The following MKLN1 variants were observed in gnomAD, a reference collection of about 807,000 sequenced individuals.
The protein encoded by MKLN1 is muskelin.
Under a neutral mutation model 99.0 loss-of-function variants are expected in MKLN1, and 18 were observed. That is an observed-to-expected ratio of 0.18 (90% CI 0.13 to 0.27). The LOEUF (loss-of-function observed/expected upper bound fraction) is 0.27, where lower values mean the gene tolerates loss of function less well. MKLN1 is among the 10% of genes least tolerant of loss of function. The pLI, the probability that MKLN1 is intolerant of heterozygous loss-of-function variation, is 1.00. For synonymous variants in MKLN1, 288 were observed against 293.2 expected, an observed-to-expected ratio of 0.98 and a Z score of 0.18; for missense variants, 621 against 875.9, an observed-to-expected ratio of 0.71 and a Z score of 3.67.
chr7:131,318,548 G>C (rs1174703222), intron 3 of MKLN1, among the ~76,000 whole-genome samples: 1 of 152,134 alleles, frequency 6.6e-6, no homozygotes, highest in African/African-American at 2.4e-5. Context: ...AAAAGAACTA[G>C]AGAAGCAAGA....
chr7:131,394,566 G>A (rs958881051), intron 4 of MKLN1, among the ~76,000 whole-genome samples: 4 of 152,006 alleles, frequency 2.6e-5, no homozygotes, highest in Admixed American at 1.3e-4. Context: ...AACACACTGC[G>A]CACCTCCTGC....
chr7:131,470,490 A>G (rs1796787750), intron 15 of MKLN1, among the ~76,000 whole-genome samples: 1 of 152,202 alleles, frequency 6.6e-6, no homozygotes, highest in Non-Finnish European at 1.5e-5. Flanking sequence ...GATGAAACAC[A>G]TTGGGATTTT....
intron 2 of MKLN1, among the ~76,000 whole-genome samples, chr7:131,155,982 G>T (rs1479317107): frequency 6.6e-6 from 1 of 152,084 alleles, no homozygotes; most frequent in Admixed American, 6.6e-5. Flanking sequence ...ATAGAGAATG[G>T]ATCAACAACT....
chr7:131,430,532 T>G (rs978442680), intron 9 of MKLN1, among the ~76,000 whole-genome samples: 2 of 152,160 alleles, frequency 1.3e-5, no homozygotes, highest in Admixed American at 1.3e-4. Context: ...ATTATTCTTG[T>G]GTTAAGCCTA....
intron 2 of MKLN1, among the ~76,000 whole-genome samples, chr7:131,182,391 A>G (rs1278874776): frequency 6.6e-6 from 1 of 152,192 alleles, no homozygotes; most frequent in African/African-American, 2.4e-5. Flanking sequence ...TTTTACTTTC[A>G]CGTTATTTGG....
chr7:131,261,873 A>G (rs1203435926), intron 3 of MKLN1, among the ~76,000 whole-genome samples: 3 of 152,216 alleles, frequency 2.0e-5, no homozygotes, highest in African/African-American at 4.8e-5. Flanking sequence ...AGGCCATAGT[A>G]CTAAGCGAAC....
intron 3 of MKLN1, among the ~76,000 whole-genome samples, chr7:131,388,513 A>T (rs538404195): frequency 6.6e-6 from 1 of 152,324 alleles, no homozygotes; most frequent in East Asian, 1.9e-4. Context: ...TGTGGTTTTA[A>T]ATTGTCAGAT....
At position 131,146,293 on chromosome 7, in the gene MKLN1, G is replaced by C. The variant is rs530695614; in HGVS notation, c.-297+3352G>C. Among the ~76,000 whole-genome samples the C allele has an allele frequency of 9.2e-5, 14 of 152,300 alleles. No individual in the cohort carries two copies. The East Asian group carries it at 2.7e-3, about 29-fold the overall frequency. On this transcript the variant is annotated intron_variant, in intron 2 of 7. Transcript: ENST00000416992. ...GGAGTTCAAGACTGCAGTGAGCTAT[G>C]ATCATGCCACTGCACTCCAGCTTGG...
At chr7:131,273,494 C>T (rs1041569986) in intron 3 of MKLN1, among the ~76,000 whole-genome samples, 1 of 152,104 alleles carries the variant, frequency 6.6e-6, no homozygotes, top group Non-Finnish European at 1.5e-5. Context: ...CTGCCAGGTC[C>T]CTTGGCATTT....
At chr7:131,282,562 A>T (rs2116580846) in intron 3 of MKLN1, among the ~76,000 whole-genome samples, 1 of 152,278 alleles carries the variant, frequency 6.6e-6, no homozygotes, top group East Asian at 1.9e-4. Context: ...TGGAGGCTAT[A>T]GAGGTCTAGG....
intron 2 of MKLN1, among the ~76,000 whole-genome samples, chr7:131,191,195 C>T (rs1394173491): frequency 6.6e-6 from 1 of 152,232 alleles, no homozygotes; most frequent in Non-Finnish European, 1.5e-5. Context: ...AAAAGTAGAA[C>T]TGGATGTTTT....
intron 3 of MKLN1, among the ~76,000 whole-genome samples, chr7:131,236,669 A>G (rs532489697): frequency 6.6e-6 from 1 of 152,102 alleles, no homozygotes; most frequent in Non-Finnish European, 1.5e-5. Context: ...TCAAAAAAAA[A>G]TTTTAAAAAA....
rs149656179 is a variant in MKLN1 at position 131,362,705 on chromosome 7, C to A, written c.99-12719C>A. On this transcript the variant is annotated intron_variant, in intron 1 of 17. Coordinates refer to ENST00000352689, the MANE Select transcript of MKLN1 (RefSeq NM_013255.5). ...TCACTTTCCAACCTCTTTTCCCTTACTGGGCTATTTTAGCGGTATCTTTTT... is the reference window on the plus strand; with the variant it reads ...TCACTTTCCAACCTCTTTTCCCTTAATGGGCTATTTTAGCGGTATCTTTTT... 4.1e-3 allele frequency among the ~76,000 whole-genome samples: 623 copies of A among 151,992 alleles called. 2 individuals are homozygous for A. The highest frequency in any genetic ancestry group is 0.014 in the African/African-American group (580 of 41,534).
At chr7:131,425,010 TCAAA>T (rs1459815308) in intron 8 of MKLN1, among the ~76,000 whole-genome samples, 20 of 152,218 alleles carry the variant, frequency 1.3e-4, no homozygotes, top group Admixed American at 1.3e-3. Context: ...TTCTTTTAAA[TCAAA>T]CAGTGTATTT....
intron 10 of MKLN1, among the ~76,000 whole-genome samples, chr7:131,441,782 G>A (rs1322232597): frequency 1.3e-5 from 2 of 152,300 alleles, no homozygotes; most frequent in Admixed American, 6.5e-5. Flanking sequence ...GTAGCCATAC[G>A]AAGTAGAAAG....
At chr7:131,376,792 C>G (rs1041539015) in intron 2 of MKLN1, among the ~76,000 whole-genome samples, 12 of 151,900 alleles carry the variant, frequency 7.9e-5, no homozygotes, top group Admixed American at 7.9e-4. Flanking sequence ...TATCTTTCCT[C>G]TAACCCCTCC....
chr7:131,348,140 AC>A (rs1386247275), intron 1 of MKLN1, among the ~76,000 whole-genome samples: 1 of 152,074 alleles, frequency 6.6e-6, no homozygotes, highest in African/African-American at 2.4e-5. Context: ...ACAGAAAAGC[AC>A]TCCAAAGTTG....
chr7:131,450,829 CATT>C (rs1796157215), intron 12 of MKLN1, among the ~76,000 whole-genome samples: 1 of 152,196 alleles, frequency 6.6e-6, no homozygotes, highest in Non-Finnish European at 1.5e-5. Context: ...CTCTAGCCAT[CATT>C]GTTAACGCAA....
intron 2 of MKLN1, among the ~76,000 whole-genome samples, chr7:131,377,929 T>C (rs1793713035): frequency 6.6e-6 from 1 of 152,180 alleles, no homozygotes; most frequent in East Asian, 1.9e-4. Flanking sequence ...ATAAATACCA[T>C]GCAATCTAGT....
Sources: allele counts gnomAD v4.1 joint callset (sites outside exome capture counted in the v4.1 genomes callset), GRCh38; gene constraint gnomAD v4.1.1; transcripts MANE v1.5; gene names NCBI Gene and HGNC (gene_info 2026-07-23, HGNC 2026-07-21).